Variants in MSRA observed in about 807,000 individuals in gnomAD.
MSRA encodes mitochondrial peptide methionine sulfoxide reductase.
In MSRA, 54 loss-of-function variants were observed where a neutral mutation model predicts 31.3. The observed-to-expected ratio is 1.73, with a 90% CI of 1.39 to 2.17. MSRA has a LOEUF of 2.17. Among genes scored for constraint, MSRA ranks in the 30% most tolerant of loss-of-function variants. MSRA has a pLI of 0.00. For missense variants in MSRA, 507 were observed against 300.9 expected, an observed-to-expected ratio of 1.69 and a Z score of -5.07; for synonymous variants, 169 against 116.5, an observed-to-expected ratio of 1.45 and a Z score of -2.90.
chr8:10,307,640 A>G (rs1336037193), intron 4 of MSRA, among the ~76,000 whole-genome samples: 2 of 152,230 alleles, frequency 1.3e-5, no homozygotes, highest in East Asian at 1.9e-4. Flanking sequence ...TGTACACATA[A>G]TGCATTCTCC....
chr8:10,396,075 G>A (rs975610604), intron 5 of MSRA, among the ~76,000 whole-genome samples: 3 of 152,134 alleles, frequency 2.0e-5, no homozygotes, highest in Non-Finnish European at 2.9e-5. Flanking sequence ...AGGGCCCTTA[G>A]AGGCACCTTT....
intron 2 of MSRA, among the ~76,000 whole-genome samples, chr8:10,229,335 G>C (rs1252569982): frequency 6.6e-6 from 1 of 152,202 alleles, no homozygotes; most frequent in Non-Finnish European, 1.5e-5. Context: ...ATCTGAGTTG[G>C]GTGATAACCA....
At chr8:10,222,395 C>G (rs188620438) in intron 2 of MSRA, among the ~76,000 whole-genome samples, 114 of 152,218 alleles carry the variant, frequency 7.5e-4, no homozygotes, top group African/African-American at 2.7e-3. Flanking sequence ...TGAGGACTCT[C>G]ACTGTTGGTG....
chr8:10,246,975 C>T (rs910178259), intron 3 of MSRA, among the ~76,000 whole-genome samples: 1 of 152,028 alleles, frequency 6.6e-6, no homozygotes, highest in Non-Finnish European at 1.5e-5. Context: ...GACTTAATGG[C>T]CTAAGAGAAA....
At chr8:10,163,136 C>T (rs949004964) in intron 1 of MSRA, among the ~76,000 whole-genome samples, 8 of 152,118 alleles carry the variant, frequency 5.3e-5, no homozygotes, top group East Asian at 1.9e-4. Context: ...AGTCCAGAAG[C>T]GGGCTTGTAC....
chr8:10,178,726 C>G (rs1806279892), intron 1 of MSRA, among the ~76,000 whole-genome samples: 1 of 152,076 alleles, frequency 6.6e-6, no homozygotes, highest in South Asian at 2.1e-4. Context: ...CATAAGTAGG[C>G]TGTGATGTTG....
At chr8:10,377,672 C>T (rs578217721) in intron 5 of MSRA, among the ~76,000 whole-genome samples, 8 of 152,294 alleles carry the variant, frequency 5.3e-5, no homozygotes, top group East Asian at 1.9e-4. Flanking sequence ...TGGGAGCAAG[C>T]GGTCTGTGTC....
rs546581761 is a variant in MSRA at position 10,354,859 on chromosome 8, C to A, written c.543+34870C>A. Among the ~76,000 whole-genome samples the A allele has an allele frequency of 6.0e-4, 91 of 151,390 alleles. No homozygotes were observed. In the Middle Eastern group the frequency reaches 0.021, roughly 34 times the overall value. On this transcript the variant is annotated intron_variant, in intron 5 of 5. Coordinates refer to ENST00000317173, the MANE Select transcript of MSRA (RefSeq NM_012331.5). ...GGATATACCATAGCTTATTTAACGG[C>A]TTTAGTGTTGTTTGACATTTGGGTT...
intron 4 of MSRA, among the ~76,000 whole-genome samples, chr8:10,313,232 GC>G (rs1801533054): frequency 6.6e-6 from 1 of 152,158 alleles, no homozygotes; most frequent in East Asian, 1.9e-4. Context: ...TATTCAGTCT[GC>G]CTGCTGAATG....
intron 3 of MSRA, among the ~76,000 whole-genome samples, chr8:10,287,958 G>T (rs986487439): frequency 6.6e-6 from 1 of 152,050 alleles, no homozygotes; most frequent in African/African-American, 2.4e-5. Flanking sequence ...GCTCTTTGAG[G>T]TCGGGACCTG....
At chr8:10,399,506 C>T (rs1807309288) in intron 5 of MSRA, among the ~76,000 whole-genome samples, 1 of 152,104 alleles carries the variant, frequency 6.6e-6, no homozygotes, top group South Asian at 2.1e-4. Context: ...CCTGCTCTGG[C>T]CGTGCACCTG....
intron 3 of MSRA, among the ~76,000 whole-genome samples, chr8:10,254,538 T>C (rs374307936): frequency 1.3e-5 from 2 of 152,212 alleles, no homozygotes; most frequent in Admixed American, 1.3e-4. Context: ...GACCACTTTG[T>C]AATCCACAAC....
chr8:10,331,372 T>C (rs1050067723), intron 5 of MSRA, among the ~76,000 whole-genome samples: 1 of 152,190 alleles, frequency 6.6e-6, no homozygotes, highest in Non-Finnish European at 1.5e-5. Context: ...CATTCTTCTT[T>C]TGTAAAATGG....
intron 2 of MSRA, among the ~76,000 whole-genome samples, chr8:10,240,333 G>T (rs558711008): frequency 6.6e-6 from 1 of 152,148 alleles, no homozygotes; most frequent in Admixed American, 6.5e-5. Context: ...GTGAGCGGGT[G>T]TGCATGCTGT....
chr8:10,193,180 C>A (rs1371898057), intron 1 of MSRA, among the ~76,000 whole-genome samples: 1 of 152,186 alleles, frequency 6.6e-6, no homozygotes, highest in Non-Finnish European at 1.5e-5. Context: ...CACTCGTCTT[C>A]TACATTTCTA....
intron 3 of MSRA, among the ~76,000 whole-genome samples, chr8:10,286,993 C>T (rs2129112256): frequency 6.6e-6 from 1 of 152,326 alleles, no homozygotes; most frequent in South Asian, 2.1e-4. Context: ...TCGTCCAAAT[C>T]AAATATTCTA....
chr8:10,097,465 C>A (rs1344317198), intron 1 of MSRA, among the ~76,000 whole-genome samples: 1 of 152,078 alleles, frequency 6.6e-6, no homozygotes, highest in Non-Finnish European at 1.5e-5. Flanking sequence ...ATCATTCATG[C>A]TTATACTAAA....
At chr8:10,377,141 C>T (rs956462966) in intron 5 of MSRA, among the ~76,000 whole-genome samples, 3 of 152,234 alleles carry the variant, frequency 2.0e-5, no homozygotes, top group Admixed American at 6.5e-5. Flanking sequence ...TCCCACTGAA[C>T]GTAATGATCG....
intron 2 of MSRA, among the ~76,000 whole-genome samples, chr8:10,242,619 T>C (rs377699444): frequency 2.6e-5 from 4 of 152,204 alleles, no homozygotes; most frequent in Non-Finnish European, 5.9e-5. Context: ...TTAAAGAAAA[T>C]AGTGCATACT....
Sources: allele counts gnomAD v4.1 joint callset (sites outside exome capture counted in the v4.1 genomes callset), GRCh38; gene constraint gnomAD v4.1.1; transcripts MANE v1.5; gene names NCBI Gene and HGNC (gene_info 2026-07-23, HGNC 2026-07-21).